Variants in PRDM5 observed in about 807,000 individuals in gnomAD.
The protein encoded by PRDM5 is PR domain zinc finger protein 5.
PRDM5 carries 56 observed loss-of-function variants against 81.2 expected under a neutral mutation model. That is an observed-to-expected ratio of 0.69 (90% CI 0.56 to 0.86). PRDM5 has a LOEUF of 0.86. Ranked by LOEUF, PRDM5 falls within the 40% of genes least tolerant of loss-of-function variation. PRDM5 has a pLI of 0.00. For synonymous variants in PRDM5, 267 were observed against 256.4 expected (o/e 1.04, Z -0.39); for missense variants, 697 against 770.1 (o/e 0.91, Z 1.12).
At chr4:120,728,720 T>G (rs899919203) in intron 14 of PRDM5, among the ~76,000 whole-genome samples, 6 of 152,310 alleles carry the variant, frequency 3.9e-5, no homozygotes, top group Middle Eastern at 3.4e-3. Context: ...AGCATGGTAT[T>G]GGCCTTTTAA....
intron 1 of PRDM5, among the ~76,000 whole-genome samples, chr4:120,913,875 A>G (rs1486749764): frequency 6.6e-6 from 1 of 152,242 alleles, no homozygotes; most frequent in African/African-American, 2.4e-5. Context: ...TGCCCACAAA[A>G]GTACAAGGAG....
At chr4:120,822,791 G>C (rs754374405) in intron 3 of PRDM5, among the ~76,000 whole-genome samples, 4 of 152,132 alleles carry the variant, frequency 2.6e-5, no homozygotes, top group African/African-American at 7.2e-5. Context: ...TGGAAGGAAG[G>C]CTTGATTCAA....
In PRDM5 at chr4:120,843,512, G is replaced by C. The variant is rs140855469; in HGVS notation, c.300+9906C>G. ...AAGTACAAGAGTTCAAGGCCAGCCTGGGCAACAATGCAAGACCCCATCTCT... is the reference window on the plus strand; with the variant it reads ...AAGTACAAGAGTTCAAGGCCAGCCTCGGCAACAATGCAAGACCCCATCTCT... On this transcript the variant is annotated intron_variant, in intron 3 of 15. Coordinates refer to ENST00000264808, the MANE Select transcript of PRDM5 (RefSeq NM_018699.4). Among the ~76,000 whole-genome samples the C allele has an allele frequency of 8.7e-4, 132 of 151,990 alleles. No homozygotes were observed. In the East Asian group the frequency reaches 0.023, roughly 27 times the overall value.
At chr4:120,853,662 T>C (rs915033146) in intron 2 of PRDM5, 122 bp from the exon 3 acceptor site, 3 of 1,287,014 alleles carry the variant, frequency 2.3e-6, no homozygotes, top group Admixed American at 1.7e-5. Flanking sequence ...GGGTGATAAA[T>C]AGAAGTTGGA....
chr4:120,689,189 C>A (rs72919566), downstream of PRDM5, among the ~76,000 whole-genome samples: 734 of 152,202 alleles, frequency 4.8e-3, 5 homozygotes, highest in African/African-American at 0.017. Context: ...AATTTGTAGA[C>A]CCCAATTTCA....
intron 14 of PRDM5, among the ~76,000 whole-genome samples, chr4:120,742,855 G>T (rs1742290895): frequency 1.3e-5 from 2 of 152,092 alleles, no homozygotes; most frequent in Non-Finnish European, 2.9e-5. Flanking sequence ...AAAACACTCT[G>T]CAGGATATTA....
chr4:120,814,366 T>C (rs1384937558), intron 7 of PRDM5, among the ~76,000 whole-genome samples: 1 of 152,354 alleles, frequency 6.6e-6, no homozygotes, highest in South Asian at 2.1e-4. Context: ...ATTTAAACTT[T>C]CAAAAACATT....
At chr4:120,873,963 T>A (rs1012690292) in intron 2 of PRDM5, among the ~76,000 whole-genome samples, 2 of 152,166 alleles carry the variant, frequency 1.3e-5, no homozygotes, top group African/African-American at 4.8e-5. Flanking sequence ...TATCCAGTTT[T>A]TTTATTTAAT....
Position 120,743,318 on chromosome 4 carries a change from C to A in PRDM5, c.1623+11235G>T, listed in dbSNP as rs573403609. On this transcript the variant is annotated intron_variant, in intron 14 of 15. Coordinates refer to ENST00000264808, the MANE Select transcript of PRDM5 (RefSeq NM_018699.4). ...AAGGAACAACCGGTACCAGCCGCTGCAAAATCATGCCAAAATGTAAAGACC... is the reference window on the plus strand; with the variant it reads ...AAGGAACAACCGGTACCAGCCGCTGAAAAATCATGCCAAAATGTAAAGACC... Among the ~76,000 whole-genome samples the A allele has an allele frequency of 1.7e-3, 260 of 151,976 alleles. 14 individuals are homozygous for A. In the South Asian group the frequency reaches 0.054, roughly 31 times the overall value.
intron 12 of PRDM5, among the ~76,000 whole-genome samples, chr4:120,777,615 C>T (rs935350849): frequency 1.3e-5 from 2 of 152,070 alleles, no homozygotes; most frequent in East Asian, 3.9e-4. Context: ...GCTACCCTTC[C>T]CAGCTGCCAA....
chr4:120,700,977 T>C (rs1261033776), intron 15 of PRDM5, among the ~76,000 whole-genome samples: 9 of 151,944 alleles, frequency 5.9e-5, no homozygotes, highest in Non-Finnish European at 1.2e-4. Flanking sequence ...ATACAAAAAT[T>C]AGCTGGGTGC....
chr4:120,844,312 A>C (rs1251886385), intron 3 of PRDM5, among the ~76,000 whole-genome samples: 1 of 152,206 alleles, frequency 6.6e-6, no homozygotes. Flanking sequence ...TACTTTGTTT[A>C]CTTGCACTTT....
chr4:120,689,170 A>G (rs1382458650), downstream of PRDM5, among the ~76,000 whole-genome samples: 2 of 152,198 alleles, frequency 1.3e-5, no homozygotes, highest in African/African-American at 2.4e-5. Context: ...ATAGTATCTT[A>G]ACCAGCTAAA....
intron 2 of PRDM5, among the ~76,000 whole-genome samples, chr4:120,900,199 C>T (rs1182134847): frequency 2.6e-5 from 4 of 152,242 alleles, no homozygotes; most frequent in East Asian, 3.9e-4. Context: ...AGTATATCAA[C>T]CTAACCTTCA....
chr4:120,755,879 G>A (rs1457004161), intron 13 of PRDM5, among the ~76,000 whole-genome samples: 1 of 152,122 alleles, frequency 6.6e-6, no homozygotes, highest in African/African-American at 2.4e-5. Flanking sequence ...TCTCCTCCTT[G>A]GGGAGAAGCA....
At chr4:120,821,006 A>G (rs1363708202) in intron 4 of PRDM5, among the ~76,000 whole-genome samples, 165 bp downstream of exon 4, 1 of 152,246 alleles carries the variant, frequency 6.6e-6, no homozygotes, top group Non-Finnish European at 1.5e-5. Context: ...TTCCTGCTGT[A>G]ACAAAGATGA....
rs564110684 is a variant in PRDM5, at chr4:120,836,213, T to C, written c.301-14868A>G. 2.0e-5 allele frequency among the ~76,000 whole-genome samples: 3 copies of C among 152,272 alleles called. No individual in the cohort carries two copies. The South Asian group carries it at 6.2e-4, about 32-fold the overall frequency. ...AGAAAGAGAAGGGGATATTTCTCTA[T>C]TTTAGGAAAAAAGAATGAGAAAGTG... On this transcript the variant is annotated intron_variant, in intron 3 of 15. Transcript: ENST00000264808.
chr4:120,885,000 A>C (rs1241953034), intron 2 of PRDM5, among the ~76,000 whole-genome samples: 1 of 149,712 alleles, frequency 6.7e-6, no homozygotes, highest in Non-Finnish European at 1.5e-5. Context: ...AATACAAAAA[A>C]TTACCCAGGC....
intron 13 of PRDM5, among the ~76,000 whole-genome samples, chr4:120,763,916 C>T (rs1422017055): frequency 6.8e-6 from 1 of 148,074 alleles, no homozygotes; most frequent in African/African-American, 2.5e-5. Context: ...TCCCATAAAA[C>T]TAGAGAAGAT....
Sources: allele counts gnomAD v4.1 joint callset (sites outside exome capture counted in the v4.1 genomes callset), GRCh38; gene constraint gnomAD v4.1.1; transcripts MANE v1.5; gene names NCBI Gene and HGNC (gene_info 2026-07-23, HGNC 2026-07-21).